Variants in ACOT13 observed in about 807,000 individuals in gnomAD.
The protein encoded by ACOT13 is acyl-coenzyme A thioesterase 13.
A neutral mutation model predicts 11.8 loss-of-function variants in ACOT13; 10 were observed. The observed-to-expected ratio is 0.85, with a 90% CI of 0.53 to 1.44. The LOEUF (loss-of-function observed/expected upper bound fraction) is 1.44, where lower values mean the gene tolerates loss of function less well. ACOT13 is among the 40% of genes most tolerant of loss of function. The probability of loss-of-function intolerance (pLI) is 0.00; values close to 1 mark genes in which losing one functional copy is unlikely to be tolerated. For missense variants in ACOT13, 172 were observed against 174.1 expected (o/e 0.99, Z 0.07); for synonymous variants, 53 against 61.0 (o/e 0.87, Z 0.61).
In ACOT13 at chr6:24,705,029, A is replaced by G. The variant is rs1489502629; in HGVS notation, c.*3414A>G. On this transcript the variant is annotated 3_prime_UTR_variant, in exon 3 of 3. Transcript: ENST00000230048. ...AGGATCATTCAGATTTACTCCAATA[A>G]AAGTATGCAACCCTTAAGCAAAGCT... The G allele has an allele frequency of 6.6e-6, 1 of 152,160 alleles. No homozygotes were observed. The highest frequency in any genetic ancestry group is 1.5e-5 in the Non-Finnish European group (1 of 67,930). The allele number at this position is 152,160 out of a possible 1,614,324, so 9.4% of individuals were successfully genotyped here.
At chr6:24,701,424 T>C in intron 2 of ACOT13, 35 bp from the exon 3 acceptor site, 2 of 1,569,606 alleles carry the variant, frequency 1.3e-6, no homozygotes, top group Non-Finnish European at 1.7e-6. Context: ...CTTTGAAAAA[T>C]TATCTGCTGT....
rs777989022 is a variant in ACOT13 at position 24,667,241 on chromosome 6, C to T, written c.-23C>T. On this transcript the variant is annotated 5_prime_UTR_variant, in exon 1 of 3. Transcript: ENST00000230048. The stretch of plus-strand genomic sequence containing the variant: ...CCGAAGTTCGTTCTTGCGCAAAGCC[C>T]AAAGGCTGGAAAACCGTCCACGATG... The T allele has an allele frequency of 1.2e-6, 2 of 1,612,842 alleles. No homozygotes were observed. The highest frequency in any genetic ancestry group is 3.3e-5 in the Admixed American group (2 of 59,908).
In ACOT13 at chr6:24,667,103, C is replaced by A; in HGVS notation, c.-161C>A. The A allele has an allele frequency of 2.3e-6, 2 of 858,236 alleles. No individual in the cohort carries two copies. Among genetic ancestry groups the A allele is most frequent in the Non-Finnish European group, 3.5e-6 (2 of 564,484 alleles). 53.2% of individuals were successfully genotyped at this position (858,236 alleles called of 1,614,324 possible). ...GTGAGCAAATCGCGGACCACCGGGGCTGCCAGCTCGCCTGACTCCCGGCCT... is the reference window on the plus strand; with the variant it reads ...GTGAGCAAATCGCGGACCACCGGGGATGCCAGCTCGCCTGACTCCCGGCCT... On this transcript the variant is annotated 5_prime_UTR_variant, in exon 1 of 3. In the 5' UTR this introduces an upstream ATG that the reference lacks. Coordinates refer to ENST00000230048, the MANE Select transcript of ACOT13 (RefSeq NM_018473.4).
At chr6:24,669,041 C>T (rs1293955384) in intron 1 of ACOT13, among the ~76,000 whole-genome samples, 2 of 152,164 alleles carry the variant, frequency 1.3e-5, no homozygotes, top group African/African-American at 2.4e-5. Flanking sequence ...TCTCCTGCCT[C>T]GCTTGTAAGA....
intron 1 of ACOT13, among the ~76,000 whole-genome samples, chr6:24,686,120 C>G (rs1240057360): frequency 1.3e-5 from 2 of 151,692 alleles, no homozygotes; most frequent in African/African-American, 4.9e-5. Flanking sequence ...TGTCAACAAA[C>G]TAAGTACTGT....
At chr6:24,697,681 C>G (rs1176687432) in intron 1 of ACOT13, among the ~76,000 whole-genome samples, 1 of 151,998 alleles carries the variant, frequency 6.6e-6, no homozygotes, top group Non-Finnish European at 1.5e-5. Context: ...TCAGCAAAAA[C>G]TACTATTTTT....
At chr6:24,689,382 G>A (rs991514408) in intron 1 of ACOT13, among the ~76,000 whole-genome samples, 12 of 150,788 alleles carry the variant, frequency 8.0e-5, no homozygotes, top group Non-Finnish European at 1.3e-4. Context: ...GCATGGTGGC[G>A]TGCCTTCTCC....
rs1043747956 is a variant in ACOT13 at position 24,667,279 on chromosome 6, C to T, written c.16C>T (p.Gln6Ter). 1.2e-6 allele frequency: 2 copies of T among 1,614,086 alleles called. No homozygotes were observed. Among genetic ancestry groups the T allele is most frequent in the Non-Finnish European group, 1.7e-6 (2 of 1,180,042 alleles). ...ACCGTCCACGATGACCAGCATGACT[C>T]AGTCTCTGCGGGAGGTGATAAAGGC... MTSMT[Q>*]SLREVIKAMT... Residue 6 changes from glutamine (Q) to a stop codon, truncating the protein, a stop_gained, in exon 1 of 3, where the codon CAG becomes TAG. Coordinates refer to ENST00000230048, the MANE Select transcript of ACOT13 (RefSeq NM_018473.4). LOFTEE classifies it high-confidence loss of function.
At chr6:24,692,505 C>T (rs974567213) in intron 1 of ACOT13, among the ~76,000 whole-genome samples, 3 of 152,228 alleles carry the variant, frequency 2.0e-5, no homozygotes, top group Non-Finnish European at 4.4e-5. Context: ...TAACCTTGAC[C>T]TCTTGGGCTC....
At chr6:24,668,326 C>T (rs1235349124) in intron 1 of ACOT13, among the ~76,000 whole-genome samples, 1 of 151,772 alleles carries the variant, frequency 6.6e-6, no homozygotes, top group Non-Finnish European at 1.5e-5. Flanking sequence ...TCAAGTGATT[C>T]TCATGCCTCA....
At chr6:24,676,388 CTCTTT>C (rs1245771973) in intron 1 of ACOT13, among the ~76,000 whole-genome samples, 1 of 151,758 alleles carries the variant, frequency 6.6e-6, no homozygotes, top group Non-Finnish European at 1.5e-5. Context: ...TGTTTGTGTC[CTCTTT>C]TATTTCGTTG....
At chr6:24,668,912 G>A (rs577573007) in intron 1 of ACOT13, among the ~76,000 whole-genome samples, 4 of 152,170 alleles carry the variant, frequency 2.6e-5, no homozygotes, top group Non-Finnish European at 4.4e-5. Flanking sequence ...TGGGGGTTTG[G>A]AAAGGGAGAA....
intron 1 of ACOT13, among the ~76,000 whole-genome samples, chr6:24,677,266 C>T (rs1778469415): frequency 6.6e-6 from 1 of 152,208 alleles, no homozygotes; most frequent in East Asian, 1.9e-4. Context: ...AGAAATGTGG[C>T]TGTGTTAAGA....
chr6:24,677,014 T>A (rs994501787), intron 1 of ACOT13, among the ~76,000 whole-genome samples: 2 of 152,346 alleles, frequency 1.3e-5, no homozygotes. Context: ...GAGTGAGGGC[T>A]ATTAGTTCTG....
At chr6:24,669,139 T>A (rs933957226) in intron 1 of ACOT13, among the ~76,000 whole-genome samples, 2 of 152,218 alleles carry the variant, frequency 1.3e-5, no homozygotes, top group Non-Finnish European at 2.9e-5. Flanking sequence ...GAAAGTTTAT[T>A]TTGCCAAGGT....
chr6:24,672,558 G>A (rs1284388988), intron 1 of ACOT13, among the ~76,000 whole-genome samples: 2 of 152,228 alleles, frequency 1.3e-5, no homozygotes, highest in Non-Finnish European at 2.9e-5. Flanking sequence ...AGAATCGCTT[G>A]AAGCCAGGAG....
chr6:24,669,084 A>C (rs1265595066), intron 1 of ACOT13, among the ~76,000 whole-genome samples: 1 of 152,192 alleles, frequency 6.6e-6, no homozygotes, highest in Non-Finnish European at 1.5e-5. Context: ...TTTATAACTA[A>C]ACCTTGTGAA....
In ACOT13 at chr6:24,667,343, A is replaced by C; in HGVS notation, c.80A>C (p.Lys27Thr). Residue 27 changes from lysine (K) to threonine (T), a missense_variant and splice_region_variant, in exon 1 of 3, where the codon AAG becomes ACG. Lys to Thr is a moderately conservative substitution (Grantham distance 78). Coordinates refer to ENST00000230048, the MANE Select transcript of ACOT13 (RefSeq NM_018473.4). ...CGCAATTTTGAGAGAGTTTTGGGAA[A>C]GGTATGGGAAAGGTAGGGGAGAAGC... ...KARNFERVLG[K>T]ITLVSAAPGK... The C allele has an allele frequency of 6.2e-7, 1 of 1,614,062 alleles. No homozygotes were observed.
At chr6:24,672,454 C>T (rs1285799178) in intron 1 of ACOT13, among the ~76,000 whole-genome samples, 1 of 152,190 alleles carries the variant, frequency 6.6e-6, no homozygotes, top group African/African-American at 2.4e-5. Flanking sequence ...TCCTGGCCAA[C>T]ATGGTGAAAC....
Sources: allele counts gnomAD v4.1 joint callset (sites outside exome capture counted in the v4.1 genomes callset), GRCh38; gene constraint gnomAD v4.1.1; transcripts MANE v1.5; gene names NCBI Gene and HGNC (gene_info 2026-07-23, HGNC 2026-07-21).